The following KCNQ1 variants were observed in gnomAD, a reference collection of about 807,000 sequenced individuals.
The protein encoded by KCNQ1 is potassium voltage-gated channel subfamily KQT member 1.
In KCNQ1, 49 loss-of-function variants were observed where a neutral mutation model predicts 72.4. The observed-to-expected ratio is 0.68, with a 90% CI of 0.54 to 0.86. The LOEUF is 0.86. Ranked by LOEUF, KCNQ1 falls within the 40% of genes least tolerant of loss-of-function variation. The pLI is 0.00. For synonymous variants in KCNQ1, 450 were observed against 412.6 expected (o/e 1.09, Z -1.10); for missense variants, 790 against 945.1 (o/e 0.84, Z 2.15).
rs1846475615 is a variant in KCNQ1, at chr11:2,471,890, A to G, written c.386+26406A>G. 7.0e-6 allele frequency among the ~76,000 whole-genome samples: 1 copy of G among 143,146 alleles called. No homozygotes were observed. Among genetic ancestry groups the G allele is most frequent in the Admixed American group, 6.9e-5 (1 of 14,532 alleles). 93.9% of individuals were successfully genotyped at this position (143,146 alleles called of 152,430 possible). ...TGTATGGGTGTGTGTGCACATGTGTATAGGTGTGTGTATGCGTGCACCTAT... is the reference window on the plus strand; with the variant it reads ...TGTATGGGTGTGTGTGCACATGTGTGTAGGTGTGTGTATGCGTGCACCTAT... On this transcript the variant is annotated intron_variant, in intron 1 of 15. Coordinates refer to ENST00000155840, the MANE Select transcript of KCNQ1 (RefSeq NM_000218.3). This position sits in a 1 kb window ranked among gnomAD's most constrained non-coding sequence, Gnocchi z 4.8.
At position 2,537,214 on chromosome 11, in the gene KCNQ1, C is replaced by G. The variant is rs866822280; in HGVS notation, c.477+9196C>G. Among the ~76,000 whole-genome samples, 1 of 151,966 alleles carries G rather than the reference C, an allele frequency of 6.6e-6. No individual in the cohort carries two copies. The highest frequency in any genetic ancestry group is 2.4e-5 in the African/African-American group (1 of 41,268). On this transcript the variant is annotated intron_variant, in intron 2 of 15. Coordinates refer to ENST00000155840, the MANE Select transcript of KCNQ1 (RefSeq NM_000218.3). This position sits in a 1 kb window ranked among gnomAD's most constrained non-coding sequence, Gnocchi z 5.2. ...GTGTGTAAATAAAGCTTTATTAGCA[C>G]ACAGCACCACATACTTGAGGGCCTA... is the stretch of plus-strand genomic sequence containing the variant.
intron 6 of KCNQ1, among the ~76,000 whole-genome samples, chr11:2,582,017 G>A (rs1357751319): frequency 6.6e-6 from 1 of 152,232 alleles, no homozygotes; most frequent in Admixed American, 6.5e-5. Flanking sequence ...GCACTAGTGG[G>A]GCAGGGGCCT....
At chr11:2,456,484 C>G (rs1846192000) in intron 1 of KCNQ1, among the ~76,000 whole-genome samples, 2 of 152,012 alleles carry the variant, frequency 1.3e-5, no homozygotes, top group South Asian at 2.1e-4. Context: ...AGCTGCTGCA[C>G]AGCAAGAGAG....
At chr11:2,454,051 T>G (rs138555533) in intron 1 of KCNQ1, among the ~76,000 whole-genome samples, 1,698 of 152,190 alleles carry the variant, frequency 0.011, 20 homozygotes, top group Non-Finnish European at 0.015. Flanking sequence ...ATTACAGGTA[T>G]GAGCCACCAC....
Position 2,481,243 on chromosome 11 carries a change from G to A in KCNQ1, c.386+35759G>A, listed in dbSNP as rs749226227. ...TTTTCTGATTGTAAAGTTCAGAAAT[G>A]TTAATCAGAGAACGTGCAGAAATTT... On this transcript the variant is annotated intron_variant, in intron 1 of 15. Coordinates refer to ENST00000155840, the MANE Select transcript of KCNQ1 (RefSeq NM_000218.3). The surrounding 1 kb of genome is among the most constrained non-coding windows in gnomAD (Gnocchi z 4.6). Among the ~76,000 whole-genome samples, 2 of 152,176 alleles carry A rather than the reference G, an allele frequency of 1.3e-5. No homozygotes were observed. Among genetic ancestry groups the A allele is most frequent in the Non-Finnish European group, 2.9e-5 (2 of 68,022 alleles).
At chr11:2,459,754 G>A (rs1410094513) in intron 1 of KCNQ1, among the ~76,000 whole-genome samples, 1 of 152,134 alleles carries the variant, frequency 6.6e-6, no homozygotes, top group East Asian at 1.9e-4. Flanking sequence ...TGAGAGGCCT[G>A]GGTCTCAGAG....
Position 2,612,942 on chromosome 11 carries a change from C to T in KCNQ1, c.1393+24088C>T. The T allele has an allele frequency of 2.5e-6, 1 of 398,558 alleles. No homozygotes were observed. Among genetic ancestry groups the T allele is most frequent in the Non-Finnish European group, 4.4e-6 (1 of 226,056 alleles). The allele number at this position is 398,558 out of a possible 1,614,324, so 24.7% of individuals were successfully genotyped here. On this transcript the variant is annotated intron_variant, in intron 10 of 15. Coordinates refer to ENST00000155840, the MANE Select transcript of KCNQ1 (RefSeq NM_000218.3). The surrounding 1 kb of genome is among the most constrained non-coding windows in gnomAD (Gnocchi z 5.5). ...TGTGTATGCCTTCTCTGCATGGATT[C>T]TGCAGAGTCTGTGTTCTCCTGCAGT...
At chr11:2,680,272 T>C (rs980969667) in intron 11 of KCNQ1, 27 of 398,328 alleles carry the variant, frequency 6.8e-5, no homozygotes, top group East Asian at 1.1e-4. Flanking sequence ...GCATTTGTTA[T>C]TGAAACTTCA....
rs1011075601 is a variant in KCNQ1, at chr11:2,588,390, G to A, written c.1252-323G>A. 2.8e-4 allele frequency among the ~76,000 whole-genome samples: 42 copies of A among 152,102 alleles called. No homozygotes were observed. Among genetic ancestry groups the A allele is most frequent in the African/African-American group, 9.4e-4 (39 of 41,412 alleles). On this transcript the variant is annotated intron_variant, in intron 9 of 15. Transcript: ENST00000155840. The surrounding 1 kb of genome is among the most constrained non-coding windows in gnomAD (Gnocchi z 5.6). The stretch of plus-strand genomic sequence containing the variant: ...CTGCTGGCCCCCAGCCTGTTCCCCC[G>A]ATATGCATTCTCCCCTACTGGTCAC...
At position 2,710,864 on chromosome 11, in the gene KCNQ1, G is replaced by T. The variant is rs146372598; in HGVS notation, c.1514+48783G>T. 5.9e-5 allele frequency among the ~76,000 whole-genome samples: 9 copies of T among 152,254 alleles called. No individual in the cohort carries two copies. The highest frequency in any genetic ancestry group is 1.3e-4 in the Admixed American group (2 of 15,298). On this transcript the variant is annotated intron_variant, in intron 11 of 15. Coordinates refer to ENST00000155840, the MANE Select transcript of KCNQ1 (RefSeq NM_000218.3). The surrounding 1 kb of genome is among the most constrained non-coding windows in gnomAD (Gnocchi z 4.1). ...TCTATCCTTATGCCAGTACTATATC[G>T]TCTTGATTGTTATAGCTTTGTAGTG...
intron 2 of KCNQ1, among the ~76,000 whole-genome samples, chr11:2,568,464 G>A (rs979835989): frequency 6.6e-6 from 1 of 152,150 alleles, no homozygotes; most frequent in African/African-American, 2.4e-5. Context: ...CTCAGCTCCG[G>A]GGACTTGGAG....
rs1846876511 is a variant in KCNQ1 at position 2,494,250 on chromosome 11, G to A, written c.387-33678G>A. ...TATCAGCTTAAGGAGTTTTTGGGCT[G>A]AGACAATGGGGTTTTCTAAATATAC... On this transcript the variant is annotated intron_variant, in intron 1 of 15. Transcript: ENST00000155840. The surrounding 1 kb of genome is among the most constrained non-coding windows in gnomAD (Gnocchi z 4.6). 6.6e-6 allele frequency among the ~76,000 whole-genome samples: 1 copy of A among 152,184 alleles called. No homozygotes were observed. Among genetic ancestry groups the A allele is most frequent in the African/African-American group, 2.4e-5 (1 of 41,446 alleles).
At chr11:2,796,475 C>CCA (rs1368225424) in intron 15 of KCNQ1, among the ~76,000 whole-genome samples, 1 of 152,232 alleles carries the variant, frequency 6.6e-6, no homozygotes, top group African/African-American at 2.4e-5. Flanking sequence ...TACCCCGAGA[C>CCA]CAGGCGAGGC....
chr11:2,610,172 A>G (rs1425106228), intron 10 of KCNQ1: 10 of 397,234 alleles, frequency 2.5e-5, no homozygotes, highest in Non-Finnish European at 2.2e-5. Context: ...TCAATATTCT[A>G]TTTGTTATTA....
At position 2,700,153 on chromosome 11, in the gene KCNQ1, C is replaced by T. The variant is rs568185700; in HGVS notation, c.1514+38072C>T. On this transcript the variant is annotated intron_variant, in intron 11 of 15. Coordinates refer to ENST00000155840, the MANE Select transcript of KCNQ1 (RefSeq NM_000218.3). ...TGATGTGCCGTGTCCTGTCATTGGCCGAAAGAGTCTCGTTTTGATGCCACC... is the reference window on the plus strand; with the variant it reads ...TGATGTGCCGTGTCCTGTCATTGGCTGAAAGAGTCTCGTTTTGATGCCACC... 2.0e-5 allele frequency among the ~76,000 whole-genome samples: 3 copies of T among 152,296 alleles called. 1 individual carries two copies. The highest frequency in any genetic ancestry group is 4.1e-4 in the South Asian group (2 of 4,828).
chr11:2,511,709 C>T (rs1278942446), intron 1 of KCNQ1, among the ~76,000 whole-genome samples: 1 of 152,224 alleles, frequency 6.6e-6, no homozygotes, highest in Admixed American at 6.5e-5. Context: ...CCACTTCCTC[C>T]CTCCAGGCCC....
intron 15 of KCNQ1, among the ~76,000 whole-genome samples, chr11:2,838,564 G>A (rs562132834): frequency 3.9e-5 from 6 of 152,286 alleles, no homozygotes; most frequent in South Asian, 2.1e-4. Context: ...CGGGGACAGC[G>A]AGGGGTATTG....
intron 7 of KCNQ1, among the ~76,000 whole-genome samples, chr11:2,584,541 GTGTT>G (rs1375929012): frequency 1.6e-5 from 2 of 123,376 alleles, no homozygotes; most frequent in African/African-American, 6.3e-5. Flanking sequence ...GTGTTAGTAT[GTGTT>G]TGTGTTAGTG....
chr11:2,659,718 CAT>C lies in KCNQ1; in HGVS notation c.1394-2240_1394-2239del, dbSNP rs1163509015. The C allele has an allele frequency of 2.5e-6, 1 of 398,380 alleles. No homozygotes were observed. Among genetic ancestry groups the C allele is most frequent in the Non-Finnish European group, 4.4e-6 (1 of 226,016 alleles). 24.7% of individuals were successfully genotyped at this position (398,380 alleles called of 1,614,324 possible). A position where few individuals can be genotyped will look rare whatever the true frequency, so the allele number is the denominator to read the frequency against. On this transcript the variant is annotated intron_variant, in intron 10 of 15. Coordinates refer to ENST00000155840, the MANE Select transcript of KCNQ1 (RefSeq NM_000218.3). This position sits in a 1 kb window ranked among gnomAD's most constrained non-coding sequence, Gnocchi z 4.3. ...TGCCATTTTGCATTCCCACCAGTAA[CAT>C]ATGAGAGTTCTACATGTTCCACATC...
Sources: allele counts gnomAD v4.1 joint callset (sites outside exome capture counted in the v4.1 genomes callset), GRCh38; gene constraint gnomAD v4.1.1; non-coding constraint Gnocchi (gnomAD v3.1); transcripts MANE v1.5; gene names NCBI Gene and HGNC (gene_info 2026-07-23, HGNC 2026-07-21).